The following CYB5R4 variants were observed in gnomAD, a reference collection of about 807,000 sequenced individuals.
CYB5R4 encodes cytochrome b5 reductase 4.
A neutral mutation model predicts 70.2 loss-of-function variants in CYB5R4; 55 were observed. The ratio of observed to expected loss-of-function variants is 0.78; its 90% CI spans 0.63 to 0.98. The LOEUF is 0.98. Among genes scored for constraint, CYB5R4 ranks in the 50% least tolerant of loss-of-function variants. CYB5R4 has a pLI of 0.00. For synonymous variants in CYB5R4, 197 were observed against 199.5 expected, an observed-to-expected ratio of 0.99 and a Z score of 0.11; for missense variants, 562 against 612.6, an observed-to-expected ratio of 0.92 and a Z score of 0.87.
At chr6:83,951,458 C>T (rs950816942) in intron 14 of CYB5R4, among the ~76,000 whole-genome samples, 4 of 152,252 alleles carry the variant, frequency 2.6e-5, no homozygotes, top group African/African-American at 9.6e-5. Context: ...CAACAGGCCT[C>T]AGTGTGGAAC....
intron 10 of CYB5R4, among the ~76,000 whole-genome samples, chr6:83,931,244 C>A: frequency 6.6e-6 from 1 of 152,208 alleles, no homozygotes; most frequent in Admixed American, 6.5e-5. Context: ...ACGCTAATAG[C>A]GTCTTACTCC....
intron 2 of CYB5R4, among the ~76,000 whole-genome samples, chr6:83,883,764 A>G (rs2099459818): frequency 1.3e-5 from 2 of 152,122 alleles, no homozygotes; most frequent in Admixed American, 1.3e-4. Flanking sequence ...TTCATTTTAT[A>G]AAAATACATA....
chr6:83,909,081 G>C lies in CYB5R4; in HGVS notation c.403G>C (p.Val135Leu). 2 of 1,613,772 alleles carry C rather than the reference G, an allele frequency of 1.2e-6. No individual in the cohort carries two copies. The highest frequency in any genetic ancestry group is 1.7e-6 in the Non-Finnish European group (2 of 1,179,734). ...LVGRMAIKPAVLKDYREEEKK... is the reference protein window; with the variant it reads ...LVGRMAIKPALLKDYREEEKK... ...TGGCAGAATGGCCATTAAACCTGCT[G>C]TTCTGAAAGGTAAGTGGTGCTGGTG... Residue 135 changes from valine to leucine, a missense_variant, in exon 4 of 16, where the codon GTT becomes CTT. Val to Leu is a conservative substitution (Grantham distance 32). Transcript: ENST00000369681.
rs1477647045 is a variant in CYB5R4, at chr6:83,914,449, G to A, written c.445+1G>A. On this transcript the variant is annotated splice_donor_variant, in intron 5 of 15. Transcript: ENST00000369681. LOFTEE classifies it high-confidence loss of function. ...GAGGAGGAAAAGAAAGTCTTAAATGGTAAGTCTATAAATTTATAATAAATG... is the reference window on the plus strand; with the variant it reads ...GAGGAGGAAAAGAAAGTCTTAAATGATAAGTCTATAAATTTATAATAAATG... 2.6e-6 allele frequency: 4 copies of A among 1,518,636 alleles called. No homozygotes were observed. Among genetic ancestry groups the A allele is most frequent in the Non-Finnish European group, 3.6e-6 (4 of 1,115,244 alleles). 94.1% of individuals were successfully genotyped at this position (1,518,636 alleles called of 1,614,324 possible).
chr6:83,862,883 T>C (rs560246567), intron 1 of CYB5R4, among the ~76,000 whole-genome samples: 265 of 152,318 alleles, frequency 1.7e-3, no homozygotes, highest in African/African-American at 6.1e-3. Flanking sequence ...AATGGAATGA[T>C]GTAGATTGAT....
At chr6:83,863,512 T>C (rs1293814564) in intron 1 of CYB5R4, among the ~76,000 whole-genome samples, 1 of 152,230 alleles carries the variant, frequency 6.6e-6, no homozygotes. Context: ...CCTTTTCTTC[T>C]GTCAAATCTC....
At chr6:83,931,286 T>C (rs888321444) in intron 10 of CYB5R4, among the ~76,000 whole-genome samples, 1 of 152,328 alleles carries the variant, frequency 6.6e-6, no homozygotes, top group South Asian at 2.1e-4. Context: ...CCCTGAGATG[T>C]TGGACAAGCT....
chr6:83,900,307 T>G (rs1300343332), intron 3 of CYB5R4, among the ~76,000 whole-genome samples: 3 of 152,330 alleles, frequency 2.0e-5, no homozygotes, highest in East Asian at 3.9e-4. Flanking sequence ...TGAGTTCTAG[T>G]TTGATTGCAC....
chr6:83,863,497 C>G (rs1393382532), intron 1 of CYB5R4, among the ~76,000 whole-genome samples: 1 of 152,142 alleles, frequency 6.6e-6, no homozygotes, highest in African/African-American at 2.4e-5. Flanking sequence ...TTAATTGTCT[C>G]TTTACCTTTT....
intron 11 of CYB5R4, 67 bp downstream of exon 11, chr6:83,934,802 C>CCTG: frequency 1.5e-6 from 2 of 1,378,304 alleles, no homozygotes; most frequent in Admixed American, 2.4e-5. Flanking sequence ...CAGTACTATT[C>CCTG]TCTCTAGAAA....
chr6:83,935,273 G>A (rs560141717), intron 11 of CYB5R4, among the ~76,000 whole-genome samples: 27 of 151,674 alleles, frequency 1.8e-4, no homozygotes, highest in South Asian at 8.4e-4. Flanking sequence ...TCTTATTGAC[G>A]TCCAACATTT....
chr6:83,930,004 C>T (rs930733352), intron 10 of CYB5R4, among the ~76,000 whole-genome samples: 1 of 152,060 alleles, frequency 6.6e-6, no homozygotes, highest in Admixed American at 6.6e-5. Context: ...TTTCCCAGTG[C>T]ATGTAAAATT....
At chr6:83,923,927 G>C (rs911741145) in intron 9 of CYB5R4, among the ~76,000 whole-genome samples, 1 of 151,312 alleles carries the variant, frequency 6.6e-6, no homozygotes. Context: ...AAAATTAGCC[G>C]GGCGTGGTGG....
chr6:83,894,679 C>CAT (rs2099461591), intron 3 of CYB5R4, among the ~76,000 whole-genome samples: 1 of 152,028 alleles, frequency 6.6e-6, no homozygotes, highest in African/African-American at 2.4e-5. Context: ...AGTCAATTAA[C>CAT]ATATATATGT....
chr6:83,909,230 G>A (rs1333030492), intron 4 of CYB5R4, 140 bp downstream of exon 4: 11 of 547,022 alleles, frequency 2.0e-5, no homozygotes, highest in Non-Finnish European at 3.5e-5. Flanking sequence ...CCACTCCAGA[G>A]GTTTTCCTTC....
rs1261608882 is a variant in CYB5R4, at chr6:83,933,814, A to G, written c.815-781A>G. Among the ~76,000 whole-genome samples the G allele has an allele frequency of 7.9e-5, 12 of 152,154 alleles. No individual in the cohort carries two copies. The South Asian group carries it at 8.3e-4, about 10-fold the overall frequency. ...TAAAAATATTTGATTCCTTTTATCT[A>G]TTTGTATGTTAGTACCATAATCCTA... is the stretch of plus-strand genomic sequence containing the variant. On this transcript the variant is annotated intron_variant, in intron 10 of 15. Coordinates refer to ENST00000369681, the MANE Select transcript of CYB5R4 (RefSeq NM_016230.4).
chr6:83,934,670 T>C lies in CYB5R4; in HGVS notation c.890T>C (p.Leu297Pro). Residue 297 changes from leucine to proline, a missense_variant, in exon 11 of 16, where the codon CTG becomes CCG. By Grantham distance (98) the Leu-to-Pro change is moderately conservative (BLOSUM62 -3). Coordinates refer to ENST00000369681, the MANE Select transcript of CYB5R4 (RefSeq NM_016230.4). Reference protein sequence around the residue: ...THDTRLFCLMLPPSTHLQVPI... With the variant: ...THDTRLFCLMPPPSTHLQVPI... ...GATACGAGGCTTTTCTGTTTGATGC[T>C]GCCACCAAGCACTCATCTTCAAGTG... 3 of 1,613,808 alleles carry C rather than the reference T, an allele frequency of 1.9e-6. No homozygotes were observed. Among genetic ancestry groups the C allele is most frequent in the Non-Finnish European group, 2.5e-6 (3 of 1,179,718 alleles).
At chr6:83,900,068 A>G (rs537565749) in intron 3 of CYB5R4, among the ~76,000 whole-genome samples, 26 of 152,120 alleles carry the variant, frequency 1.7e-4, no homozygotes, top group South Asian at 1.0e-3. Context: ...TAGGGTGTCA[A>G]TTTTGGATCT....
chr6:83,925,693 C>A (rs1292875466), intron 10 of CYB5R4, among the ~76,000 whole-genome samples: 3 of 152,118 alleles, frequency 2.0e-5, no homozygotes, highest in South Asian at 2.1e-4. Flanking sequence ...TTGTGCTAAT[C>A]TTTTCAATAT....
Sources: gnomAD v4.1 joint callset for allele counts (sites outside exome capture counted in the v4.1 genomes callset) on GRCh38, gnomAD v4.1.1 for gene constraint, MANE v1.5 for transcripts, NCBI Gene and HGNC (gene_info 2026-07-23, HGNC 2026-07-21) for gene names.